Variants in SLC24A2 observed in about 807,000 individuals in gnomAD.
The protein encoded by SLC24A2 is solute carrier family 24 member 2, also known as sodium/potassium/calcium exchanger 2.
In SLC24A2, 36 loss-of-function variants were observed where a neutral mutation model predicts 62.0. The observed-to-expected ratio is 0.58, with a 90% CI of 0.44 to 0.77. The LOEUF (loss-of-function observed/expected upper bound fraction) is 0.77, where lower values mean the gene tolerates loss of function less well. Ranked by LOEUF, SLC24A2 falls within the 30% of genes least tolerant of loss-of-function variation. The pLI, the probability that SLC24A2 is intolerant of heterozygous loss-of-function variation, is 0.00. For synonymous variants in SLC24A2, 358 were observed against 294.0 expected, an observed-to-expected ratio of 1.22 and a Z score of -2.23; for missense variants, 846 against 817.9, an observed-to-expected ratio of 1.03 and a Z score of -0.42.
chr9:20,204,341 C>T, the SLC24A2 span, among the ~76,000 whole-genome samples: 11 of 152,324 alleles, frequency 7.2e-5, no homozygotes, highest in Middle Eastern at 3.4e-3. Flanking sequence ...TGCGTTGCCA[C>T]GTCTTCTGCA....
the SLC24A2 span, among the ~76,000 whole-genome samples, chr9:19,976,339 A>C: frequency 6.6e-6 from 1 of 152,230 alleles, no homozygotes; most frequent in African/African-American, 2.4e-5. Context: ...TGACTGAATC[A>C]TGGGGGCAGA....
the SLC24A2 span, among the ~76,000 whole-genome samples, chr9:19,850,786 T>G: frequency 6.6e-6 from 1 of 151,022 alleles, no homozygotes. Context: ...ACATAGCATG[T>G]GTCAATATTT....
chr9:20,293,067 T>G, the SLC24A2 span, among the ~76,000 whole-genome samples: 1 of 152,208 alleles, frequency 6.6e-6, no homozygotes, highest in Admixed American at 6.5e-5. Flanking sequence ...GCCTTGATCT[T>G]CACATGGCAT....
the SLC24A2 span, among the ~76,000 whole-genome samples, chr9:20,286,818 AGAG>A: frequency 6.6e-6 from 1 of 152,200 alleles, no homozygotes; most frequent in African/African-American, 2.4e-5. Context: ...GATGCACTAC[AGAG>A]GAGGCCGAGA....
intron 2 of SLC24A2, among the ~76,000 whole-genome samples, chr9:19,726,613 T>C (rs777321564): frequency 3.3e-5 from 5 of 152,202 alleles, no homozygotes; most frequent in Non-Finnish European, 5.9e-5. Context: ...CTCTTCATAA[T>C]GATTATCAAA....
the SLC24A2 span, among the ~76,000 whole-genome samples, chr9:20,298,286 G>A: frequency 6.6e-6 from 1 of 152,196 alleles, no homozygotes; most frequent in Non-Finnish European, 1.5e-5. Context: ...CTGGAGTGCA[G>A]CAGAGCTATC....
chr9:19,764,739 A>G (rs962138737), intron 2 of SLC24A2, among the ~76,000 whole-genome samples: 5 of 152,198 alleles, frequency 3.3e-5, no homozygotes, highest in African/African-American at 9.7e-5. Flanking sequence ...ATTTTAGAAT[A>G]AGTGCTATGT....
the SLC24A2 span, among the ~76,000 whole-genome samples, chr9:20,099,026 G>C: frequency 3.3e-5 from 5 of 152,192 alleles, no homozygotes; most frequent in Admixed American, 1.3e-4. Context: ...AGATGGTAAT[G>C]TATTTGCTGC....
the SLC24A2 span, among the ~76,000 whole-genome samples, chr9:20,304,489 C>T: frequency 6.6e-6 from 1 of 152,046 alleles, no homozygotes; most frequent in African/African-American, 2.4e-5. Flanking sequence ...TTTTAACAGC[C>T]AAATAATTCT....
intron 2 of SLC24A2, among the ~76,000 whole-genome samples, chr9:19,648,765 T>C (rs1818713497): frequency 6.6e-6 from 1 of 152,194 alleles, no homozygotes; most frequent in Non-Finnish European, 1.5e-5. Flanking sequence ...TATTGGGTTT[T>C]ATGTTTTTAA....
intron 8 of SLC24A2, among the ~76,000 whole-genome samples, chr9:19,549,061 T>C (rs1834717807): frequency 6.6e-6 from 1 of 152,228 alleles, no homozygotes; most frequent in Non-Finnish European, 1.5e-5. Flanking sequence ...GTGTATTCTC[T>C]TGATTTGGTC....
chr9:20,100,783 C>A, the SLC24A2 span, among the ~76,000 whole-genome samples: 1 of 152,142 alleles, frequency 6.6e-6, no homozygotes, highest in Admixed American at 6.5e-5. Flanking sequence ...TCCTTCTACA[C>A]TGATTATTTT....
At chr9:20,280,646 A>C in the SLC24A2 span, among the ~76,000 whole-genome samples, 2 of 152,158 alleles carry the variant, frequency 1.3e-5, no homozygotes, top group Non-Finnish European at 2.9e-5. Context: ...ACTAGGTCAA[A>C]TTGTGGGTTA....
At chr9:19,649,367 C>T (rs1445390819) in intron 2 of SLC24A2, among the ~76,000 whole-genome samples, 1 of 151,240 alleles carries the variant, frequency 6.6e-6, no homozygotes, top group East Asian at 1.9e-4. Flanking sequence ...TTGGGTATTA[C>T]AAAATTGAAA....
chr9:20,064,284 G>C, the SLC24A2 span, among the ~76,000 whole-genome samples: 1 of 152,188 alleles, frequency 6.6e-6, no homozygotes, highest in South Asian at 2.1e-4. Flanking sequence ...TATAAAGACA[G>C]AGAGTAGATC....
the SLC24A2 span, among the ~76,000 whole-genome samples, chr9:20,223,393 G>C: frequency 1.1e-4 from 17 of 152,270 alleles, no homozygotes; most frequent in African/African-American, 3.4e-4. Context: ...GGGAGGCCAA[G>C]GTGGGAGGAT....
chr9:19,719,987 ACT>A (rs1820974674), intron 2 of SLC24A2, among the ~76,000 whole-genome samples: 1 of 152,062 alleles, frequency 6.6e-6, no homozygotes, highest in South Asian at 2.1e-4. Context: ...TCCCACTGAA[ACT>A]CTATGATATG....
At chr9:20,134,341 G>A in the SLC24A2 span, among the ~76,000 whole-genome samples, 1 of 152,044 alleles carries the variant, frequency 6.6e-6, no homozygotes, top group Admixed American at 6.6e-5. Flanking sequence ...AACTTCTCAA[G>A]GAGGGTTTCC....
the SLC24A2 span, among the ~76,000 whole-genome samples, chr9:20,187,577 C>G: frequency 2.6e-5 from 4 of 152,130 alleles, no homozygotes; most frequent in African/African-American, 9.7e-5. Flanking sequence ...CTCCAAATCT[C>G]TTTGTTCATG....
Sources: gnomAD v4.1 joint callset for allele counts (sites outside exome capture counted in the v4.1 genomes callset) on GRCh38, gnomAD v4.1.1 for gene constraint, MANE v1.5 for transcripts, NCBI Gene and HGNC (gene_info 2026-07-23, HGNC 2026-07-21) for gene names.